The following MEF2A variants were observed in gnomAD, a reference collection of about 807,000 sequenced individuals.
MEF2A encodes the protein myocyte enhancer factor 2A.
MEF2A carries 28 observed loss-of-function variants against 55.8 expected under a neutral mutation model. The observed-to-expected ratio is 0.50, with a 90% CI of 0.37 to 0.69. The LOEUF (loss-of-function observed/expected upper bound fraction) is 0.69. MEF2A is among the 30% of genes least tolerant of loss of function. The pLI, the probability that MEF2A is intolerant of heterozygous loss-of-function variation, is 0.00. For missense variants in MEF2A, 528 were observed against 626.2 expected (o/e 0.84, Z 1.67); for synonymous variants, 239 against 227.1 (o/e 1.05, Z -0.47).
At chr15:99,637,800 G>A (rs2044156513) in intron 3 of MEF2A, among the ~76,000 whole-genome samples, 1 of 152,032 alleles carries the variant, frequency 6.6e-6, no homozygotes, top group Non-Finnish European at 1.5e-5. Context: ...CTGCCACCAC[G>A]CCCGGCTAAT....
intron 2 of MEF2A, among the ~76,000 whole-genome samples, chr15:99,618,434 C>T (rs1002539102): frequency 2.0e-5 from 3 of 152,044 alleles, no homozygotes; most frequent in Non-Finnish European, 4.4e-5. Context: ...GTAAAAAATG[C>T]CCTAAAGAAC....
At chr15:99,706,180 A>G (rs528973482) in intron 9 of MEF2A, among the ~76,000 whole-genome samples, 1 of 152,390 alleles carries the variant, frequency 6.6e-6, no homozygotes, top group African/African-American at 2.4e-5. Context: ...GAAGGGATAC[A>G]TGTCCGAATC....
rs1567336902 is a variant in MEF2A at position 99,654,587 on chromosome 15, G to T, written c.258+8823G>T. 1.7e-4 allele frequency among the ~76,000 whole-genome samples: 25 copies of T among 150,834 alleles called. 1 individual carries two copies. On this transcript the variant is annotated intron_variant, in intron 4 of 11. Coordinates refer to ENST00000557942, the MANE Select transcript of MEF2A (RefSeq NM_001319206.4). ...AAAAATAAATTAAAAAAAAAGGGGG[G>T]GGTATTGGTTATTTCATGTAAGAAA...
chr15:99,600,159 CTG>C (rs1215517499), intron 2 of MEF2A, among the ~76,000 whole-genome samples: 1 of 152,140 alleles, frequency 6.6e-6, no homozygotes. Context: ...GCTGAGAACT[CTG>C]TACTTTCTCT....
intron 9 of MEF2A, 121 bp downstream of exon 9, chr15:99,703,506 A>T (rs754769790): frequency 5.6e-6 from 5 of 898,526 alleles, no homozygotes; most frequent in African/African-American, 1.7e-5. Context: ...CACTATTCAA[A>T]CACTTTGAAT....
At chr15:99,602,654 GTGTGTGTGTGT>G (rs1388183641) in intron 2 of MEF2A, among the ~76,000 whole-genome samples, 42 of 10,874 alleles carry the variant, frequency 3.9e-3, no homozygotes, top group African/African-American at 0.018. Context: ...CATTCCTGGG[GTGTGTGTGTGT>G]GTGTGTGTGT....
At chr15:99,706,635 T>G in intron 9 of MEF2A, 94 bp from the exon 10 acceptor site, 4 of 1,409,682 alleles carry the variant, frequency 2.8e-6, no homozygotes, top group African/African-American at 2.8e-5. Context: ...GACATTCATA[T>G]GAAACTGTGA....
intron 3 of MEF2A, 80 bp downstream of exon 3, chr15:99,633,253 TCTTAAA>T: frequency 1.0e-6 from 1 of 967,704 alleles, no homozygotes; most frequent in East Asian, 3.1e-5. Flanking sequence ...GTTGGGTTTT[TCTTAAA>T]CTTAATTTTA....
intron 4 of MEF2A, among the ~76,000 whole-genome samples, chr15:99,665,705 C>A (rs1417652850): frequency 8.7e-6 from 1 of 115,586 alleles, no homozygotes; most frequent in African/African-American, 3.5e-5. Flanking sequence ...GGTTAATATC[C>A]GGAATCTACA....
chr15:99,632,717 G>T (rs1033015072), intron 2 of MEF2A, among the ~76,000 whole-genome samples: 1 of 152,156 alleles, frequency 6.6e-6, no homozygotes, highest in Non-Finnish European at 1.5e-5. Flanking sequence ...CTTGGCTCTT[G>T]TTGCTATTAT....
chr15:99,665,372 C>T (rs758587070), intron 4 of MEF2A, among the ~76,000 whole-genome samples: 15 of 150,966 alleles, frequency 9.9e-5, no homozygotes, highest in Non-Finnish European at 1.6e-4. Context: ...GTTGGAAAAA[C>T]GAGCCAGCCA....
intron 4 of MEF2A, among the ~76,000 whole-genome samples, chr15:99,658,993 A>G (rs1049898384): frequency 6.6e-5 from 10 of 152,140 alleles, no homozygotes; most frequent in African/African-American, 2.4e-4. Flanking sequence ...ATCAGCATCT[A>G]GTAGGGTGCT....
rs2059024882 is a variant in MEF2A, at chr15:99,715,012, T to C, written c.*2241T>C. 1 of 152,086 alleles carries C rather than the reference T, an allele frequency of 6.6e-6. No individual in the cohort carries two copies. 9.4% of individuals were successfully genotyped at this position (152,086 alleles called of 1,614,324 possible). The stretch of plus-strand genomic sequence containing the variant: ...AGAGGCCAAAAAAAGGAGGATGACA[T>C]GCTGTCTCCTCTCTTCAGTATAGAC... On this transcript the variant is annotated 3_prime_UTR_variant, in exon 12 of 12. Transcript: ENST00000557942.
chr15:99,567,894 G>A (rs769114367), intron 1 of MEF2A, among the ~76,000 whole-genome samples: 29 of 152,136 alleles, frequency 1.9e-4, no homozygotes, highest in Non-Finnish European at 3.4e-4. Flanking sequence ...GTTGCAAAAA[G>A]TTGTGATAAT....
intron 3 of MEF2A, among the ~76,000 whole-genome samples, chr15:99,642,404 A>G (rs1019207913): frequency 6.6e-6 from 1 of 152,070 alleles, no homozygotes; most frequent in Non-Finnish European, 1.5e-5. Context: ...CCTTTGCTAA[A>G]TGCTCTGGGC....
At chr15:99,676,394 C>T (rs1001047808) in intron 7 of MEF2A, among the ~76,000 whole-genome samples, 16 of 144,392 alleles carry the variant, frequency 1.1e-4, no homozygotes, top group Middle Eastern at 7.1e-3. Flanking sequence ...TTTTGTGTCC[C>T]TTTTTTTTTT....
intron 2 of MEF2A, among the ~76,000 whole-genome samples, chr15:99,632,306 G>A (rs2043069227): frequency 6.6e-6 from 1 of 152,138 alleles, no homozygotes; most frequent in Admixed American, 6.5e-5. Flanking sequence ...AATGGCCAAA[G>A]GAATGTTTCA....
chr15:99,577,624 C>T (rs997088217), intron 1 of MEF2A, among the ~76,000 whole-genome samples: 7 of 152,198 alleles, frequency 4.6e-5, no homozygotes, highest in Admixed American at 1.3e-4. Context: ...TACTGTTTAC[C>T]TTTTCACTAT....
upstream of MEF2A, chr15:99,565,702 A>C: frequency 6.6e-6 from 1 of 152,402 alleles, no homozygotes; most frequent in Non-Finnish European, 1.5e-5. Flanking sequence ...GGAAAAACAT[A>C]GTCCGCCCCC....
Sources: gnomAD v4.1 joint callset for allele counts (sites outside exome capture counted in the v4.1 genomes callset) on GRCh38, gnomAD v4.1.1 for gene constraint, MANE v1.5 for transcripts, NCBI Gene and HGNC (gene_info 2026-07-23, HGNC 2026-07-21) for gene names.